TCEA2: variants seen among roughly 807,000 people sequenced by gnomAD.
TCEA2 encodes transcription elongation factor A2.
Under a neutral mutation model 40.8 loss-of-function variants are expected in TCEA2, and 21 were observed. The observed-to-expected ratio is 0.51, with a 90% CI of 0.36 to 0.74. TCEA2 has a LOEUF of 0.74. Among genes scored for constraint, TCEA2 ranks in the 30% least tolerant of loss-of-function variants. The pLI is 0.00. For synonymous variants in TCEA2, 165 were observed against 162.7 expected (o/e 1.01, Z -0.11); for missense variants, 326 against 426.5 (o/e 0.76, Z 2.08).
intron 4 of TCEA2, among the ~76,000 whole-genome samples, chr20:64,068,489 G>A (rs1470534344): frequency 2.0e-5 from 3 of 152,208 alleles, no homozygotes; most frequent in Middle Eastern, 3.2e-3. Context: ...ACTCAACGAC[G>A]GTCCCTCCTT....
At chr20:64,071,844 CT>C (rs765109073) in intron 8 of TCEA2, 25 bp from the exon 9 acceptor site, 20 of 1,612,790 alleles carry the variant, frequency 1.2e-5, no homozygotes, top group Non-Finnish European at 1.7e-5. Context: ...GGAGGTGACC[CT>C]GGGTTCACCC....
Position 64,069,498 on chromosome 20 carries a change from G to A in TCEA2, c.460+7G>A, listed in dbSNP as rs368822381. ...GCTGCCCTGCAGACGGACCGTGAGT[G>A]CGGCCGGCCCTGGCTCCTGACACCC... On this transcript the variant is annotated splice_region_variant and intron_variant, in intron 5 of 9. Coordinates refer to ENST00000343484, the MANE Select transcript of TCEA2 (RefSeq NM_003195.6). 88 of 1,611,670 alleles carry A rather than the reference G, an allele frequency of 5.5e-5. No individual in the cohort carries two copies. The highest frequency in any genetic ancestry group is 7.0e-5 in the Non-Finnish European group (82 of 1,179,370).
chr20:64,063,659 C>T (rs73149297), intron 1 of TCEA2: 21 of 499,930 alleles, frequency 4.2e-5, no homozygotes, highest in African/African-American at 6.2e-5. Context: ...CAGACCCCTC[C>T]CTCGCCCGCA....
At chr20:64,064,943 G>A (rs940461949) in intron 1 of TCEA2, among the ~76,000 whole-genome samples, 3 of 151,848 alleles carry the variant, frequency 2.0e-5, no homozygotes, top group African/African-American at 7.3e-5. Flanking sequence ...GATGGGTCAT[G>A]GAGCCAGGGG....
chr20:64,069,856 C>G, intron 6 of TCEA2, 35 bp downstream of exon 6: 1 of 1,608,780 alleles, frequency 6.2e-7, no homozygotes, highest in Non-Finnish European at 8.5e-7. Context: ...GCCTGGGTTT[C>G]TGGTGGAGTC....
chr20:64,063,154 GCGCGGC>G, upstream of TCEA2: 1 of 541,602 alleles, frequency 1.8e-6, no homozygotes, highest in Non-Finnish European at 2.7e-6. Context: ...AGGATGCCGC[GCGCGGC>G]CGCGGGGCCG....
chr20:64,068,291 G>T (rs749028362), intron 4 of TCEA2, among the ~76,000 whole-genome samples, 157 bp downstream of exon 4: 3 of 152,224 alleles, frequency 2.0e-5, no homozygotes, highest in African/African-American at 7.2e-5. Flanking sequence ...GGTGTGTCCC[G>T]CCTGCACTGA....
chr20:64,062,865 C>T (rs1302868068), upstream of TCEA2: 1 of 153,238 alleles, frequency 6.5e-6, no homozygotes, highest in Non-Finnish European at 1.5e-5. Context: ...AGCCACCCAC[C>T]GAAGGACGCC....
In TCEA2 at chr20:64,070,495, G is replaced by T; in HGVS notation, c.679G>T (p.Ala227Ser). 1 of 1,613,822 alleles carries T rather than the reference G, an allele frequency of 6.2e-7. No individual in the cohort carries two copies. The highest frequency in any genetic ancestry group is 8.5e-7 in the Non-Finnish European group (1 of 1,179,978). Reference protein sequence around the residue: ...QIAVMTSEEMASDELKEIRKA... With the variant: ...QIAVMTSEEMSSDELKEIRKA... ...CACTGGCCCCGTGCTCCAGGAGATG[G>T]CCAGTGATGAGCTGAAGGAGATCCG... Residue 227 changes from alanine (A) to serine (S), a missense_variant, in exon 8 of 10, where the codon GCC becomes TCC. Physicochemically the swap from Ala to Ser is moderately conservative, Grantham distance 99 (BLOSUM62 1). Transcript: ENST00000343484.
intron 5 of TCEA2, 104 bp downstream of exon 5, chr20:64,069,595 C>T: frequency 5.2e-6 from 8 of 1,549,066 alleles, no homozygotes; most frequent in Non-Finnish European, 6.1e-6. Flanking sequence ...TGACTGTCCT[C>T]CCCCAGCCCA....
chr20:64,056,368 C>T (rs986576579), upstream of TCEA2, among the ~76,000 whole-genome samples: 2 of 152,180 alleles, frequency 1.3e-5, no homozygotes, highest in African/African-American at 4.8e-5. Flanking sequence ...TAAGCCCCGT[C>T]GCTGCCCTGC....
At chr20:64,063,646 A>T (rs906846053) in intron 1 of TCEA2, 1 of 519,050 alleles carries the variant, frequency 1.9e-6, no homozygotes, top group Non-Finnish European at 3.4e-6. Context: ...CCCGCTCTGG[A>T]CTCAGACCCC....
intron 8 of TCEA2, among the ~76,000 whole-genome samples, 161 bp downstream of exon 8, chr20:64,070,796 C>T (rs1027901002): frequency 1.3e-5 from 2 of 152,256 alleles, no homozygotes; most frequent in East Asian, 1.9e-4. Flanking sequence ...AGGGACCACT[C>T]CCCTCTACCC....
Position 64,063,257 on chromosome 20 carries a change from C to G in TCEA2, c.-56C>G, listed in dbSNP as rs977569537. ...AGGTGGCGACGGCCGGGGCCGGGGTCCTGCCCGGCTGCGGAGGCGGGCGCG... is the reference window on the plus strand; with the variant it reads ...AGGTGGCGACGGCCGGGGCCGGGGTGCTGCCCGGCTGCGGAGGCGGGCGCG... On this transcript the variant is annotated 5_prime_UTR_variant, in exon 1 of 10. Coordinates refer to ENST00000343484, the MANE Select transcript of TCEA2 (RefSeq NM_003195.6). 8.1e-6 allele frequency: 12 copies of G among 1,481,170 alleles called. No individual in the cohort carries two copies. In the African/African-American group the frequency reaches 1.6e-4, roughly 20 times the overall value. The allele number at this position is 1,481,170 out of a possible 1,614,324, so 91.8% of individuals were successfully genotyped here. A position where few individuals can be genotyped will look rare whatever the true frequency, so the allele number is the denominator to read the frequency against.
upstream of TCEA2, among the ~76,000 whole-genome samples, chr20:64,059,681 G>T (rs549621621): frequency 6.6e-6 from 1 of 152,040 alleles, no homozygotes; most frequent in African/African-American, 2.4e-5. Flanking sequence ...GGGGGCAGTC[G>T]TCTTTGTTCT....
intron 1 of TCEA2, 88 bp from the exon 2 acceptor site, chr20:64,066,388 C>T: frequency 4.0e-6 from 6 of 1,494,388 alleles, no homozygotes; most frequent in Non-Finnish European, 5.6e-6. Flanking sequence ...ATTGTCACTG[C>T]CTTGTGTTCT....
At position 64,066,480 on chromosome 20, in the gene TCEA2, G is replaced by A. The variant is rs1474378575; in HGVS notation, c.77G>A (p.Gly26Glu). Residue 26 changes from glycine (G) to glutamate (E), a missense_variant, in exon 2 of 10, where the codon GGA becomes GAA. Coordinates refer to ENST00000343484, the MANE Select transcript of TCEA2 (RefSeq NM_003195.6). Reference protein sequence around the residue: ...DKMVTKKSAEGAMDLLRELKA... With the variant: ...DKMVTKKSAEEAMDLLRELKA... ...AGGTCCTCCTTCTCCTTCCAGGAGG[G>A]AGCCATGGATTTGCTGCGGGAGCTG... 1 of 1,613,852 alleles carries A rather than the reference G, an allele frequency of 6.2e-7. No individual in the cohort carries two copies. The highest frequency in any genetic ancestry group is 8.5e-7 in the Non-Finnish European group (1 of 1,179,844).
chr20:64,070,173 C>A (rs968872250), intron 6 of TCEA2, 87 bp from the exon 7 acceptor site: 8 of 1,570,250 alleles, frequency 5.1e-6, no homozygotes, highest in Non-Finnish European at 6.9e-6. Flanking sequence ...CCTTTCCAGC[C>A]CCCACCCCAA....
upstream of TCEA2, among the ~76,000 whole-genome samples, chr20:64,059,374 C>G (rs1433886321): frequency 1.3e-5 from 2 of 152,006 alleles, no homozygotes; most frequent in Admixed American, 1.3e-4. Context: ...TGTCCCACCC[C>G]ATCGTCTCTA....
Sources: gnomAD v4.1 joint callset for allele counts (sites outside exome capture counted in the v4.1 genomes callset) on GRCh38, gnomAD v4.1.1 for gene constraint, MANE v1.5 for transcripts, NCBI Gene and HGNC (gene_info 2026-07-23, HGNC 2026-07-21) for gene names.